Variants in CACNG2 observed in about 807,000 individuals in gnomAD.
The protein encoded by CACNG2 is calcium voltage-gated channel auxiliary subunit gamma 2.
In CACNG2, 3 loss-of-function variants were observed where a neutral mutation model predicts 25.9. The observed-to-expected ratio is 0.12, with a 90% CI of 0.05 to 0.30. The LOEUF (loss-of-function observed/expected upper bound fraction) is 0.30, where lower values mean the gene tolerates loss of function less well. Ranked by LOEUF, CACNG2 falls within the 10% of genes least tolerant of loss-of-function variation. CACNG2 has a pLI of 1.00. For missense variants in CACNG2, 341 were observed against 432.5 expected (o/e 0.79, Z 1.88); for synonymous variants, 167 against 173.3 (o/e 0.96, Z 0.29).
chr22:36,569,336 A>G (rs1260203127), intron 2 of CACNG2, among the ~76,000 whole-genome samples: 1 of 152,138 alleles, frequency 6.6e-6, no homozygotes, highest in East Asian at 1.9e-4. Flanking sequence ...CAGGATTCAT[A>G]TCCAGACCAG....
intron 1 of CACNG2, among the ~76,000 whole-genome samples, chr22:36,636,077 G>T (rs1443667101): frequency 6.6e-6 from 1 of 152,006 alleles, no homozygotes; most frequent in African/African-American, 2.4e-5. Flanking sequence ...TTTCACTCCT[G>T]CCGTTTCTCA....
chr22:36,668,302 T>C (rs182999349), intron 1 of CACNG2, among the ~76,000 whole-genome samples: 4 of 152,332 alleles, frequency 2.6e-5, no homozygotes, highest in African/African-American at 9.6e-5. Flanking sequence ...TCTATTAGCC[T>C]GGGTTCTCCA....
At chr22:36,577,532 C>T (rs1462765723) in intron 2 of CACNG2, among the ~76,000 whole-genome samples, 1 of 151,870 alleles carries the variant, frequency 6.6e-6, no homozygotes, top group Non-Finnish European at 1.5e-5. Flanking sequence ...GGCCCGTAGT[C>T]CCACCTACTT....
chr22:36,566,413 C>T lies in CACNG2; in HGVS notation c.376G>A (p.Glu126Lys), dbSNP rs1021135800. ...ATGTTGTGTCGAGTTTTGTAGAACT[C>T]GCTGGCTGCGATGCAGAGGCCACCC... is the stretch of plus-strand genomic sequence containing the variant. The part of the protein sequence containing the change: ...FMGGLCIAAS[E>K]FYKTRHNIIL... The change falls in exon 3 of 4, where the codon GAG (glutamate) becomes AAG (lysine). Residue 126 changes from glutamate to lysine, a missense_variant. Glu to Lys is a moderately conservative substitution (Grantham distance 56, BLOSUM62 1). This residue lies in a region of CACNG2 where 169 missense variants were observed against 254.4 expected (regional missense o/e 0.66). Transcript: ENST00000300105. 11 of 1,613,992 alleles carry T rather than the reference C, an allele frequency of 6.8e-6. No homozygotes were observed. The highest frequency in any genetic ancestry group is 2.2e-5 in the East Asian group (1 of 44,892).
chr22:36,610,886 C>G (rs778084201), intron 1 of CACNG2, among the ~76,000 whole-genome samples: 3 of 152,152 alleles, frequency 2.0e-5, no homozygotes, highest in Non-Finnish European at 4.4e-5. Flanking sequence ...AGAGTGGGCA[C>G]GGGGAAGACC....
intron 1 of CACNG2, among the ~76,000 whole-genome samples, chr22:36,605,436 T>C (rs369629086): frequency 6.6e-6 from 1 of 152,198 alleles, no homozygotes; most frequent in Non-Finnish European, 1.5e-5. Flanking sequence ...TATGTTATGA[T>C]ATCTGGTGTA....
intron 1 of CACNG2, among the ~76,000 whole-genome samples, chr22:36,627,264 G>C (rs1022490665): frequency 3.4e-5 from 5 of 149,064 alleles, no homozygotes; most frequent in Non-Finnish European, 7.4e-5. Flanking sequence ...AGTGGGAAGT[G>C]GATGAGAGTG....
chr22:36,572,738 G>A lies in CACNG2; in HGVS notation c.296-6245C>T, dbSNP rs78694027. Among the ~76,000 whole-genome samples the A allele has an allele frequency of 5.6e-4, 85 of 152,130 alleles. 2 individuals carry two copies. The East Asian group carries it at 0.016, about 28-fold the overall frequency. ...AAAAAAAAAAAAAAAATCAGGTGGT[G>A]GGCTGGATGGGCTGGATTTGGCCTG... On this transcript the variant is annotated intron_variant, in intron 2 of 3. Coordinates refer to ENST00000300105, the MANE Select transcript of CACNG2 (RefSeq NM_006078.5).
chr22:36,623,011 GGTT>G (rs574110890), intron 1 of CACNG2, among the ~76,000 whole-genome samples: 2,933 of 93,062 alleles, frequency 0.032, 283 homozygotes, highest in African/African-American at 0.1. Flanking sequence ...TCAAAACATG[GGTT>G]TTTTTTTTTT....
At chr22:36,659,278 T>A (rs1037961696) in intron 1 of CACNG2, among the ~76,000 whole-genome samples, 1 of 151,958 alleles carries the variant, frequency 6.6e-6, no homozygotes, top group Non-Finnish European at 1.5e-5. Flanking sequence ...CCCTACCAAG[T>A]CAGAAAAGAG....
chr22:36,590,915 GCCTGAACTCCCACCACGT>G (rs1332739417), intron 1 of CACNG2, among the ~76,000 whole-genome samples: 1 of 152,046 alleles, frequency 6.6e-6, no homozygotes. Context: ...TGGTCCTGCT[GCCTGAACTCCCACCACGT>G]CCTCTGTTGC....
chr22:36,682,613 A>C (rs1245290077), intron 1 of CACNG2, among the ~76,000 whole-genome samples: 1 of 151,944 alleles, frequency 6.6e-6, no homozygotes, highest in Admixed American at 6.6e-5. Context: ...GAATCCAATA[A>C]GTGATAAACG....
At chr22:36,566,566 G>A (rs1935130930) in intron 2 of CACNG2, 73 bp from the exon 3 acceptor site, 5 of 1,545,236 alleles carry the variant, frequency 3.2e-6, no homozygotes, top group Non-Finnish European at 4.5e-6. Flanking sequence ...AGGCAGGTGG[G>A]AGAGCAGCCC....
At chr22:36,646,170 T>C (rs1460169231) in intron 1 of CACNG2, among the ~76,000 whole-genome samples, 1 of 152,242 alleles carries the variant, frequency 6.6e-6, no homozygotes. Flanking sequence ...TTTCCATGGT[T>C]ATATATGTAT....
At chr22:36,638,347 G>C (rs1257061097) in intron 1 of CACNG2, among the ~76,000 whole-genome samples, 1 of 152,192 alleles carries the variant, frequency 6.6e-6, no homozygotes, top group Non-Finnish European at 1.5e-5. Context: ...CTGGAATCCA[G>C]GACACTTATT....
chr22:36,565,482 C>A (rs576718016), intron 3 of CACNG2, among the ~76,000 whole-genome samples: 8 of 148,724 alleles, frequency 5.4e-5, no homozygotes, highest in African/African-American at 1.7e-4. Context: ...GTTGGTGGTT[C>A]CTTTTTTTTT....
intron 1 of CACNG2, among the ~76,000 whole-genome samples, chr22:36,600,274 G>T (rs994396035): frequency 1.3e-5 from 2 of 152,074 alleles, no homozygotes; most frequent in Admixed American, 6.5e-5. Context: ...TTTAGAGACA[G>T]GTTCTTGCTT....
intron 1 of CACNG2, among the ~76,000 whole-genome samples, chr22:36,598,961 G>A (rs1033909747): frequency 1.3e-5 from 2 of 152,210 alleles, no homozygotes; most frequent in African/African-American, 4.8e-5. Context: ...CTGGGTGACA[G>A]AGTGAGACCC....
intron 1 of CACNG2, among the ~76,000 whole-genome samples, chr22:36,654,920 A>G (rs1303160174): frequency 1.3e-5 from 2 of 152,108 alleles, no homozygotes; most frequent in Non-Finnish European, 2.9e-5. Flanking sequence ...TTTGTTTTGC[A>G]GAGTCAGGAA....
Sources: allele counts gnomAD v4.1 joint callset (sites outside exome capture counted in the v4.1 genomes callset), GRCh38; gene constraint gnomAD v4.1.1; regional missense constraint gnomAD v4.1.1; transcripts MANE v1.5; gene names NCBI Gene and HGNC (gene_info 2026-07-23, HGNC 2026-07-21).